The following PCDH20 variants were observed in gnomAD, a reference collection of about 807,000 sequenced individuals.
The protein encoded by PCDH20 is protocadherin-20.
In PCDH20, 18 loss-of-function variants were observed where a neutral mutation model predicts 39.7. The ratio of observed to expected loss-of-function variants is 0.45; its 90% CI spans 0.31 to 0.67. The LOEUF is 0.67. Among genes scored for constraint, PCDH20 ranks in the 30% least tolerant of loss-of-function variants. The pLI, the probability that PCDH20 is intolerant of heterozygous loss-of-function variation, is 0.05. For missense variants in PCDH20, 1,161 were observed against 1,167.4 expected, an observed-to-expected ratio of 0.99 and a Z score of 0.08; for synonymous variants, 495 against 455.4, an observed-to-expected ratio of 1.09 and a Z score of -1.11.
At chr13:61,415,179 G>A (rs764850174) in exon 1 of PCDH20, 1 of 1,395,454 alleles carries the variant, frequency 7.2e-7, no homozygotes, top group Non-Finnish European at 9.4e-7. Flanking sequence ...GCTGCAGTCA[G>A]AGCGCTCTTG....
At chr13:61,414,900 C>G in intron 1 of PCDH20, 127 bp downstream of exon 1, 1 of 1,172,068 alleles carries the variant, frequency 8.5e-7, no homozygotes, top group Non-Finnish European at 1.1e-6. Context: ...CTCCCTTTCC[C>G]TCCCGGCGCC....
intron 1 of PCDH20, among the ~76,000 whole-genome samples, chr13:61,414,677 ATGGCT>A (rs977762503): frequency 9.2e-5 from 14 of 152,248 alleles, no homozygotes; most frequent in Non-Finnish European, 1.3e-4. Flanking sequence ...AACGCGGAAA[ATGGCT>A]ATGCAAAAAC....
At chr13:61,415,130 G>A (rs750847250) in exon 1 of PCDH20, 2 of 1,504,354 alleles carry the variant, frequency 1.3e-6, no homozygotes, top group Non-Finnish European at 1.8e-6. Flanking sequence ...CAGGGCCTGT[G>A]AGCTGCGCGC....
chr13:61,414,598 G>T (rs1871494479), intron 1 of PCDH20, among the ~76,000 whole-genome samples: 1 of 152,114 alleles, frequency 6.6e-6, no homozygotes, highest in Non-Finnish European at 1.5e-5. Flanking sequence ...AAATCAAACC[G>T]AAAGGATCTG....
In PCDH20 at chr13:61,411,230, C is replaced by T. The variant is rs780146595; in HGVS notation, c.*13G>A. 21 of 1,589,280 alleles carry T rather than the reference C, an allele frequency of 1.3e-5. No individual in the cohort carries two copies. In the East Asian group the frequency reaches 4.5e-4, roughly 34 times the overall value. On this transcript the variant is annotated 3_prime_UTR_variant, in exon 2 of 2. Transcript: ENST00000409204. ...AGTTAAAACATTTCTCTGTGTTATT[C>T]CACCATGAAATATCAAATATTAGAA...
exon 2 of PCDH20, chr13:61,412,872 T>C: frequency 6.2e-7 from 1 of 1,614,078 alleles, no homozygotes; most frequent in South Asian, 1.1e-5. Flanking sequence ...GAGCAGTGAT[T>C]ACAGCAGGGA....
chr13:61,413,340 A>G, exon 2 of PCDH20: 2 of 1,614,036 alleles, frequency 1.2e-6, no homozygotes, highest in Non-Finnish European at 1.7e-6. Context: ...TGAACATACC[A>G]TGGTAGTCCA....
chr13:61,415,182 C>A, exon 1 of PCDH20: 1 of 1,394,206 alleles, frequency 7.2e-7, no homozygotes, highest in Non-Finnish European at 9.4e-7. Flanking sequence ...GCAGTCAGAG[C>A]GCTCTTGAAG....
exon 2 of PCDH20, chr13:61,412,437 C>A (rs751984524): frequency 6.2e-7 from 1 of 1,614,040 alleles, no homozygotes; most frequent in Non-Finnish European, 8.5e-7. Context: ...ACAGCTTAGT[C>A]AAAAAGGCAT....
chr13:61,414,982 C>T (rs944361325), intron 1 of PCDH20, 45 bp downstream of exon 1: 3 of 1,365,968 alleles, frequency 2.2e-6, no homozygotes, highest in East Asian at 2.8e-5. Context: ...CTTCACAATA[C>T]TGCAACTTGT....
chr13:61,411,847 T>A, exon 2 of PCDH20: 1 of 1,614,102 alleles, frequency 6.2e-7, no homozygotes, highest in Non-Finnish European at 8.5e-7. Context: ...TACTAACAGA[T>A]AAGACATATT....
At chr13:61,413,722 A>G (rs1455969864) in exon 2 of PCDH20, 1 of 1,613,904 alleles carries the variant, frequency 6.2e-7, no homozygotes, top group Non-Finnish European at 8.5e-7. Flanking sequence ...CTGGCCACTC[A>G]GTCCCCGGGA....
chr13:61,412,488 T>C, exon 2 of PCDH20: 1 of 1,614,192 alleles, frequency 6.2e-7, no homozygotes, highest in Non-Finnish European at 8.5e-7. Context: ...CTATTAAGGG[T>C]TGAAGGAAAA....
exon 2 of PCDH20, chr13:61,409,899 T>A (rs965280910): frequency 6.6e-6 from 1 of 152,104 alleles, no homozygotes; most frequent in Non-Finnish European, 1.5e-5. Flanking sequence ...ATATAAACAC[T>A]TTTGGTACAG....
chr13:61,414,089 T>C, intron 1 of PCDH20, 123 bp from the exon 2 acceptor site: 2 of 856,300 alleles, frequency 2.3e-6, no homozygotes, highest in East Asian at 5.4e-5. Flanking sequence ...AAACCTCTAA[T>C]TAGAACGGGG....
chr13:61,411,283 T>C (rs752460168), exon 2 of PCDH20: 1 of 1,614,056 alleles, frequency 6.2e-7, no homozygotes, highest in Admixed American at 1.7e-5. Flanking sequence ...CTCTCGCATA[T>C]GCAAGTCAAT....
At chr13:61,412,482 T>C (rs776178211) in exon 2 of PCDH20, 1 of 1,614,232 alleles carries the variant, frequency 6.2e-7, no homozygotes, top group South Asian at 1.1e-5. Context: ...TTAGTTCTAT[T>C]AAGGGTTGAA....
chr13:61,412,748 T>C (rs1172300642), exon 2 of PCDH20: 1 of 1,614,168 alleles, frequency 6.2e-7, no homozygotes, highest in African/African-American at 1.3e-5. Flanking sequence ...AAAAACGCAA[T>C]GGGAGTGTTA....
At chr13:61,415,785 G>A (rs888839171), upstream of PCDH20, 1 of 152,216 alleles carries the variant, frequency 6.6e-6, no homozygotes, top group African/African-American at 2.4e-5. Flanking sequence ...TTGAATCTTT[G>A]CTGTGGGCAG....
Sources: gnomAD v4.1 joint callset for allele counts (sites outside exome capture counted in the v4.1 genomes callset) on GRCh38, gnomAD v4.1.1 for gene constraint, MANE v1.5 for transcripts, NCBI Gene and HGNC (gene_info 2026-07-23, HGNC 2026-07-21) for gene names.